Variants in SPHKAP observed in about 807,000 individuals in gnomAD.
SPHKAP encodes A-kinase anchor protein SPHKAP.
SPHKAP carries 67 observed loss-of-function variants against 137.5 expected under a neutral mutation model. The observed-to-expected ratio is 0.49, with a 90% CI of 0.40 to 0.60. The LOEUF is 0.60. Ranked by LOEUF, SPHKAP falls within the 20% of genes least tolerant of loss-of-function variation. SPHKAP has a pLI of 0.00. For missense variants in SPHKAP, 2,097 were observed against 2,069.3 expected (o/e 1.01, Z -0.26); for synonymous variants, 813 against 785.3 (o/e 1.04, Z -0.59).
At chr2:228,033,962 TAAAAG>T (rs1695464493) in intron 3 of SPHKAP, among the ~76,000 whole-genome samples, 8 of 151,884 alleles carry the variant, frequency 5.3e-5, no homozygotes, top group Admixed American at 5.2e-4. Flanking sequence ...ACGTCACAAT[TAAAAG>T]AACTAGAAAA....
chr2:228,049,811 C>T (rs1029904026), intron 3 of SPHKAP, among the ~76,000 whole-genome samples: 1 of 152,172 alleles, frequency 6.6e-6, no homozygotes, highest in African/African-American at 2.4e-5. Flanking sequence ...ACCCATGTTG[C>T]TGCAAAAATA....
At chr2:228,071,077 T>C (rs1181441396) in intron 3 of SPHKAP, among the ~76,000 whole-genome samples, 7 of 152,180 alleles carry the variant, frequency 4.6e-5, no homozygotes, top group Non-Finnish European at 1.0e-4. Context: ...TACACCTTCT[T>C]CTTGTACAAC....
intron 11 of SPHKAP, 75 bp from the exon 12 acceptor site, chr2:227,981,935 G>A (rs544922604): frequency 2.4e-5 from 36 of 1,514,598 alleles, no homozygotes; most frequent in African/African-American, 2.1e-4. Context: ...CCACCCTCGC[G>A]AAGCCAATGG....
At chr2:228,020,429 G>A (rs1188851699) in intron 6 of SPHKAP, among the ~76,000 whole-genome samples, 1 of 152,182 alleles carries the variant, frequency 6.6e-6, no homozygotes, top group Non-Finnish European at 1.5e-5. Flanking sequence ...GGACATGGAT[G>A]AAGCCGGAAA....
chr2:228,053,016 T>C (rs1295809411), intron 3 of SPHKAP, among the ~76,000 whole-genome samples: 1 of 152,176 alleles, frequency 6.6e-6, no homozygotes, highest in African/African-American at 2.4e-5. Flanking sequence ...GCTTAAGCAA[T>C]AGAAATTTAT....
intron 3 of SPHKAP, among the ~76,000 whole-genome samples, chr2:228,063,959 A>G (rs1026864516): frequency 1.3e-5 from 2 of 152,218 alleles, no homozygotes; most frequent in African/African-American, 4.8e-5. Context: ...TACATTCTCC[A>G]TACTATGGTT....
At chr2:228,044,786 A>C (rs1264885184) in intron 3 of SPHKAP, among the ~76,000 whole-genome samples, 3 of 152,212 alleles carry the variant, frequency 2.0e-5, no homozygotes, top group South Asian at 2.1e-4. Flanking sequence ...AGTTACTAAA[A>C]TAGAATCTGG....
intron 7 of SPHKAP, among the ~76,000 whole-genome samples, chr2:228,015,233 C>T (rs1490133579): frequency 6.6e-6 from 1 of 151,838 alleles, no homozygotes; most frequent in Non-Finnish European, 1.5e-5. Flanking sequence ...ATCCATGTCC[C>T]TACAAAGGAC....
chr2:228,125,431 T>C (rs188233418), intron 2 of SPHKAP, among the ~76,000 whole-genome samples: 403 of 152,342 alleles, frequency 2.6e-3, no homozygotes, highest in Non-Finnish European at 3.9e-3. Flanking sequence ...CTAATATTCA[T>C]TGAGCATCAA....
intron 2 of SPHKAP, among the ~76,000 whole-genome samples, chr2:228,115,410 T>C (rs1205765168): frequency 6.6e-6 from 1 of 152,170 alleles, no homozygotes; most frequent in Non-Finnish European, 1.5e-5. Context: ...CTATTTGCAG[T>C]TGATATCAGG....
chr2:228,029,464 TG>T (rs1322552155), intron 3 of SPHKAP, among the ~76,000 whole-genome samples: 14 of 152,210 alleles, frequency 9.2e-5, no homozygotes, highest in African/African-American at 3.4e-4. Flanking sequence ...TCAAGTTTCA[TG>T]GACTCACAAG....
chr2:228,161,297 G>A (rs1700265326), intron 1 of SPHKAP, among the ~76,000 whole-genome samples: 1 of 152,222 alleles, frequency 6.6e-6, no homozygotes, highest in African/African-American at 2.4e-5. Flanking sequence ...TGGATAGGAA[G>A]ACAGGGTGAG....
intron 3 of SPHKAP, among the ~76,000 whole-genome samples, chr2:228,030,165 A>T (rs909204388): frequency 6.6e-6 from 1 of 152,154 alleles, no homozygotes; most frequent in Admixed American, 6.5e-5. Flanking sequence ...ATAGTAGGGG[A>T]TGATCCAGGC....
At chr2:228,076,320 A>C (rs1245815996) in intron 3 of SPHKAP, among the ~76,000 whole-genome samples, 2 of 152,258 alleles carry the variant, frequency 1.3e-5, no homozygotes, top group Non-Finnish European at 2.9e-5. Context: ...ATATCTGAGA[A>C]TGTGGAAGCA....
chr2:228,131,760 T>C (rs919428458), intron 2 of SPHKAP: 3 of 983,352 alleles, frequency 3.1e-6, no homozygotes, highest in Admixed American at 6.2e-5. Flanking sequence ...TGAGATAGTA[T>C]GGCAGTGGAG....
chr2:228,066,213 G>A (rs1182976389), intron 3 of SPHKAP, among the ~76,000 whole-genome samples: 7 of 152,108 alleles, frequency 4.6e-5, no homozygotes, highest in Non-Finnish European at 7.4e-5. Flanking sequence ...AGCCCCAAAT[G>A]GTTCTTTTTC....
At chr2:228,057,476 A>T (rs1183288467) in intron 3 of SPHKAP, among the ~76,000 whole-genome samples, 1 of 152,188 alleles carries the variant, frequency 6.6e-6, no homozygotes, top group Non-Finnish European at 1.5e-5. Flanking sequence ...GAGAAATCAC[A>T]ACTACAAGAG....
chr2:228,004,651 G>A (rs778180176), intron 7 of SPHKAP, among the ~76,000 whole-genome samples: 1 of 151,890 alleles, frequency 6.6e-6, no homozygotes, highest in Non-Finnish European at 1.5e-5. Flanking sequence ...GTGATGTTAG[G>A]GTGTCAATTT....
intron 3 of SPHKAP, among the ~76,000 whole-genome samples, chr2:228,060,884 G>A (rs4591331): frequency 0.22 from 32,866 of 151,962 alleles, 3,787 homozygotes; most frequent in East Asian, 0.34. Flanking sequence ...ATGGGTGACC[G>A]AGAAAGGACC....
Sources: gnomAD v4.1 joint callset for allele counts (sites outside exome capture counted in the v4.1 genomes callset) on GRCh38, gnomAD v4.1.1 for gene constraint, MANE v1.5 for transcripts, NCBI Gene and HGNC (gene_info 2026-07-23, HGNC 2026-07-21) for gene names.